LAMA2: variants seen among roughly 807,000 people sequenced by gnomAD.
LAMA2 encodes laminin subunit alpha 2.
Under a neutral mutation model 364.8 loss-of-function variants are expected in LAMA2, and 269 were observed. That is an observed-to-expected ratio of 0.74 (90% confidence interval 0.67 to 0.82). The LOEUF is 0.82. Among genes scored for constraint, LAMA2 ranks in the 40% least tolerant of loss-of-function variants. LAMA2 has a pLI of 0.00. For synonymous variants in LAMA2, 1,379 were observed against 1,370.6 expected (o/e 1.01, Z -0.14); for missense variants, 3,807 against 3,873.2 (o/e 0.98, Z 0.45).
At chr6:129,431,535 A>G (rs1446492352) in intron 41 of LAMA2, among the ~76,000 whole-genome samples, 1 of 152,174 alleles carries the variant, frequency 6.6e-6, no homozygotes, top group Non-Finnish European at 1.5e-5. Flanking sequence ...CCTGTGGTAT[A>G]TAATTACAGT....
rs1250671933 is a variant in LAMA2 at position 129,270,631 on chromosome 6, A to G, written c.2330A>G (p.Lys777Arg). The change falls in exon 17 of 65, where the codon AAG (lysine) becomes AGG (arginine). Residue 777 changes from lysine (K) to arginine (R), a missense_variant. Around this residue, in one of 3 missense-constraint regions of LAMA2, gnomAD observed 3,333 missense variants for 3,345.7 expected, o/e 1.00. Coordinates refer to ENST00000421865, the MANE Select transcript of LAMA2 (RefSeq NM_000426.4). ...TGCTCATTTCTTTCTCAGAACTGTA[A>G]GGATCACACAGGTGGCCCATATTGT... ...DDVTGECLNC[K>R]DHTGGPYCDK... 6.2e-7 allele frequency: 1 copy of G among 1,613,026 alleles called. No homozygotes were observed. Among genetic ancestry groups the G allele is most frequent in the East Asian group, 2.2e-5 (1 of 44,812 alleles).
chr6:128,938,978 T>G (rs1364457640), intron 1 of LAMA2, among the ~76,000 whole-genome samples: 1 of 152,186 alleles, frequency 6.6e-6, no homozygotes, highest in Admixed American at 6.5e-5. Flanking sequence ...ACTTAGACTT[T>G]CACTACTGAC....
At chr6:129,360,241 A>C (rs1777384684) in intron 32 of LAMA2, among the ~76,000 whole-genome samples, 1 of 152,190 alleles carries the variant, frequency 6.6e-6, no homozygotes, top group Non-Finnish European at 1.5e-5. Context: ...AGTTGTTTAC[A>C]GAATGTGAAT....
intron 2 of LAMA2, 84 bp from the exon 3 acceptor site, chr6:129,059,700 T>A (rs77668244): frequency 1.5e-6 from 1 of 646,904 alleles, no homozygotes; most frequent in South Asian, 1.7e-5. Flanking sequence ...GTTTTAACCA[T>A]TTTTTTTTAC....
At chr6:129,210,325 C>T (rs559313995) in intron 12 of LAMA2, among the ~76,000 whole-genome samples, 1 of 152,026 alleles carries the variant, frequency 6.6e-6, no homozygotes, top group Non-Finnish European at 1.5e-5. Context: ...AAAATAACCT[C>T]GTTAGCCACC....
chr6:129,035,929 C>T (rs905073614), intron 1 of LAMA2, among the ~76,000 whole-genome samples: 10 of 152,164 alleles, frequency 6.6e-5, no homozygotes, highest in Non-Finnish European at 1.0e-4. Context: ...ATGCCCCCAG[C>T]GTTGATCTTT....
intron 7 of LAMA2, 132 bp downstream of exon 7, chr6:129,149,228 A>C: frequency 2.8e-6 from 2 of 719,654 alleles, no homozygotes; most frequent in Admixed American, 3.9e-5. Flanking sequence ...CACTTCGAAG[A>C]CAACCCATAT....
intron 29 of LAMA2, among the ~76,000 whole-genome samples, chr6:129,335,379 GATA>G: frequency 6.6e-6 from 1 of 151,776 alleles, no homozygotes; most frequent in Non-Finnish European, 1.5e-5. Flanking sequence ...TAGATAGATA[GATA>G]GATAGATAGA....
intron 46 of LAMA2, 108 bp downstream of exon 46, chr6:129,453,239 C>T (rs1040904373): frequency 3.9e-5 from 41 of 1,044,634 alleles, no homozygotes; most frequent in African/African-American, 2.8e-4. Context: ...AATGGTCTAA[C>T]GTAGGCTTTC....
At chr6:129,392,286 G>A (rs1393218051) in intron 36 of LAMA2, among the ~76,000 whole-genome samples, 1 of 152,158 alleles carries the variant, frequency 6.6e-6, no homozygotes, top group East Asian at 1.9e-4. Flanking sequence ...CAAAGTGGTA[G>A]TATTACTAAT....
intron 27 of LAMA2, 26 bp downstream of exon 27, chr6:129,316,197 G>A (rs756191610): frequency 6.4e-7 from 1 of 1,573,482 alleles, no homozygotes; most frequent in Non-Finnish European, 8.7e-7. Context: ...AAATATTCAA[G>A]CTCTTATTTT....
intron 1 of LAMA2, among the ~76,000 whole-genome samples, chr6:128,884,701 C>T (rs571911876): frequency 5.6e-4 from 85 of 151,998 alleles, no homozygotes; most frequent in Non-Finnish European, 8.5e-4. Context: ...ATATAATTTA[C>T]GAGAGTGATT....
At chr6:129,128,537 A>G (rs911825753) in intron 4 of LAMA2, among the ~76,000 whole-genome samples, 12 of 152,212 alleles carry the variant, frequency 7.9e-5, no homozygotes, top group Non-Finnish European at 1.2e-4. Flanking sequence ...GAAAAATGAC[A>G]TCAAAATCTT....
intron 13 of LAMA2, 72 bp downstream of exon 13, chr6:129,250,285 TACCTGCCTGGTTTG>T: frequency 3.2e-6 from 3 of 941,426 alleles, no homozygotes; most frequent in Non-Finnish European, 5.2e-6. Flanking sequence ...CTGTATTTTT[TACCTGCCTGGTTTG>T]ACACTGACTT....
chr6:129,407,435 TAAC>T (rs1780303760), intron 40 of LAMA2, among the ~76,000 whole-genome samples: 1 of 152,190 alleles, frequency 6.6e-6, no homozygotes, highest in African/African-American at 2.4e-5. Context: ...TACATAAAGT[TAAC>T]AACACTTAAA....
At chr6:129,320,171 AAAG>A (rs939054431) in intron 27 of LAMA2, among the ~76,000 whole-genome samples, 1 of 152,056 alleles carries the variant, frequency 6.6e-6, no homozygotes, top group Admixed American at 6.6e-5. Context: ...AGAAAAAAAA[AAAG>A]AAAAGAATAG....
At chr6:129,286,568 A>G (rs1226041367) in intron 18 of LAMA2, among the ~76,000 whole-genome samples, 2 of 872 alleles carry the variant, frequency 2.3e-3, no homozygotes, top group Non-Finnish European at 0.012. Flanking sequence ...GTTTTATATT[A>G]TATTATATTT....
intron 1 of LAMA2, among the ~76,000 whole-genome samples, chr6:128,897,876 G>T (rs1269662907): frequency 2.0e-5 from 3 of 152,178 alleles, no homozygotes; most frequent in Admixed American, 2.0e-4. Context: ...GACTGCATCA[G>T]AAGTCCAGCA....
intron 41 of LAMA2, among the ~76,000 whole-genome samples, chr6:129,429,045 A>G (rs1358928794): frequency 6.6e-6 from 1 of 151,966 alleles, no homozygotes; most frequent in African/African-American, 2.4e-5. Context: ...TGTTTTCAGT[A>G]TTATTTCTTC....
Sources: gnomAD v4.1 joint callset for allele counts (sites outside exome capture counted in the v4.1 genomes callset) on GRCh38, gnomAD v4.1.1 for gene constraint, gnomAD v4.1.1 regional missense constraint, MANE v1.5 for transcripts, NCBI Gene and HGNC (gene_info 2026-07-23, HGNC 2026-07-21) for gene names.